The following ATP7A variants were observed in gnomAD, a reference collection of about 807,000 sequenced individuals.
ATP7A encodes the protein ATPase copper transporting alpha.
In ATP7A, 7 loss-of-function variants were observed where a neutral mutation model predicts 83.5. That is an observed-to-expected ratio of 0.08 (90% CI 0.05 to 0.16). The LOEUF (loss-of-function observed/expected upper bound fraction) is 0.16. ATP7A is among the 10% of genes least tolerant of loss of function. The pLI is 1.00. For synonymous variants in ATP7A, 354 were observed against 395.2 expected, an observed-to-expected ratio of 0.90 and a Z score of 1.24; for missense variants, 940 against 1,120.8, an observed-to-expected ratio of 0.84 and a Z score of 2.30.
intron 1 of ATP7A, chrX:77,965,506 A>G (rs1371071325): frequency 3.4e-6 from 1 of 290,095 alleles, no homozygotes; most frequent in African/African-American, 2.7e-5. Flanking sequence ...AATAAAAAAG[A>G]TAATAGGTAT....
At chrX:77,950,146 G>A (rs2077404950) in intron 1 of ATP7A, among the ~76,000 whole-genome samples, 1 of 112,197 alleles carries the variant, frequency 8.9e-6, no homozygotes, top group Non-Finnish European at 1.9e-5. Context: ...CTGTCCTTGT[G>A]TATTCATGTC....
chrX:77,969,898 A>G (rs2077536216), intron 1 of ATP7A, among the ~76,000 whole-genome samples: 1 of 112,043 alleles, frequency 8.9e-6, no homozygotes, highest in Non-Finnish European at 1.9e-5. Flanking sequence ...TGGGAAGTGT[A>G]TTACTTAATT....
intron 5 of ATP7A, among the ~76,000 whole-genome samples, chrX:78,001,855 G>T (rs1429104473): frequency 1.8e-5 from 2 of 110,977 alleles, no homozygotes; most frequent in Non-Finnish European, 3.8e-5. Flanking sequence ...CTAGTGAACA[G>T]CATGACTGCC....
At chrX:77,934,928 C>G (rs1017358267) in intron 1 of ATP7A, among the ~76,000 whole-genome samples, 14 of 107,251 alleles carry the variant, frequency 1.3e-4, no homozygotes, top group African/African-American at 4.4e-4. Flanking sequence ...GTGTCAGCCC[C>G]CAGAGTAGCT....
At chrX:78,005,683 C>CAAAAAAAAAA (rs1218646073) in intron 6 of ATP7A, among the ~76,000 whole-genome samples, 365 of 12,696 alleles carry the variant, frequency 0.029, 1 homozygote, top group Middle Eastern at 0.071. Flanking sequence ...AACTCCATCT[C>CAAAAAAAAAA]AAAAAAAAAA....
At chrX:77,946,988 A>C (rs2077383658) in intron 1 of ATP7A, among the ~76,000 whole-genome samples, 1 of 112,066 alleles carries the variant, frequency 8.9e-6, no homozygotes, top group Non-Finnish European at 1.9e-5. Context: ...TAGTAGCCCA[A>C]AGGTGGTAGC....
chrX:77,976,375 C>A (rs1045709268), intron 2 of ATP7A, among the ~76,000 whole-genome samples: 4 of 112,171 alleles, frequency 3.6e-5, no homozygotes, highest in Non-Finnish European at 7.5e-5. Context: ...ATGGTTTTGG[C>A]TCTTTAGTGA....
chrX:78,033,744 C>A lies in ATP7A; in HGVS notation c.3434C>A (p.Ala1145Glu). ...ATAGAGGACAATAATATTAAAAATGCATCCCTGGTTCAAATTGATGCCAGT... is the reference window on the plus strand; with the variant it reads ...ATAGAGGACAATAATATTAAAAATGAATCCCTGGTTCAAATTGATGCCAGT... ...WNIEDNNIKNASLVQIDASNE... is the reference protein window; with the variant it reads ...WNIEDNNIKNESLVQIDASNE... The change falls in exon 17 of 23, where the codon GCA becomes GAA. Residue 1145 changes from alanine (A) to glutamate (E), a missense_variant. By Grantham distance (107) the Ala-to-Glu change is moderately radical. Transcript: ENST00000341514. The A allele has an allele frequency of 8.3e-7, 1 of 1,210,596 alleles. No homozygotes were observed. Among genetic ancestry groups the A allele is most frequent in the South Asian group, 1.8e-5 (1 of 56,953 alleles).
At chrX:77,973,581 G>A (rs781843805) in intron 2 of ATP7A, among the ~76,000 whole-genome samples, 2 of 112,298 alleles carry the variant, frequency 1.8e-5, no homozygotes, top group Non-Finnish European at 3.8e-5. Context: ...TTAGGCATTT[G>A]TATACCTTCT....
At chrX:78,042,183 A>G (rs1489622185) in intron 19 of ATP7A, among the ~76,000 whole-genome samples, 3 of 109,590 alleles carry the variant, frequency 2.7e-5, no homozygotes, top group Non-Finnish European at 5.7e-5. Context: ...CATGGTATGG[A>G]TGTATCATAA....
chrX:77,951,468 G>A (rs1486382849), intron 1 of ATP7A, among the ~76,000 whole-genome samples: 2 of 112,010 alleles, frequency 1.8e-5, no homozygotes, highest in Admixed American at 9.5e-5. Context: ...TTTTCTCAGT[G>A]ATGTGAATTG....
chrX:77,931,881 C>G (rs2077281925), intron 1 of ATP7A, among the ~76,000 whole-genome samples: 3 of 100,058 alleles, frequency 3.0e-5, no homozygotes, highest in African/African-American at 1.1e-4. Flanking sequence ...CTCCTCACTT[C>G]CCAGTAGGGG....
At chrX:78,016,317 C>T (rs2077863742) in intron 12 of ATP7A, among the ~76,000 whole-genome samples, 1 of 110,797 alleles carries the variant, frequency 9.0e-6, no homozygotes, top group Non-Finnish European at 1.9e-5. Flanking sequence ...GGGGAAACCG[C>T]CCCCATGATT....
At chrX:77,952,800 T>TC (rs1557226935) in intron 1 of ATP7A, among the ~76,000 whole-genome samples, 2 of 109,070 alleles carry the variant, frequency 1.8e-5, no homozygotes, top group African/African-American at 6.7e-5. Context: ...TTTTTTTTTT[T>TC]TTTGATAGTC....
chrX:77,973,085 C>T (rs1569549414), intron 2 of ATP7A, among the ~76,000 whole-genome samples: 2 of 110,575 alleles, frequency 1.8e-5, no homozygotes, highest in African/African-American at 3.3e-5. Context: ...ACCCAGTTTG[C>T]CAACTGCTTT....
chrX:77,930,842 G>A (rs1278634604), intron 1 of ATP7A, among the ~76,000 whole-genome samples: 1 of 110,717 alleles, frequency 9.0e-6, no homozygotes, highest in East Asian at 2.8e-4. Flanking sequence ...GGCAGCTCTC[G>A]ACTTTAGATC....
intron 2 of ATP7A, chrX:77,975,529 G>A (rs889836849): frequency 2.5e-5 from 2 of 80,047 alleles, no homozygotes; most frequent in South Asian, 8.5e-4. Context: ...TCACTCTGTC[G>A]CCCAGGCTGG....
chrX:78,004,045 G>A (rs1463025175), intron 6 of ATP7A, among the ~76,000 whole-genome samples: 1 of 111,915 alleles, frequency 8.9e-6, no homozygotes, highest in Non-Finnish European at 1.9e-5. Context: ...AATAGGGAAT[G>A]TTTAAATAAA....
intron 14 of ATP7A, among the ~76,000 whole-genome samples, chrX:78,021,585 C>T (rs899994992): frequency 8.9e-6 from 1 of 111,791 alleles, no homozygotes; most frequent in South Asian, 3.7e-4. Context: ...AGTGTCTACT[C>T]ATCTAGTTCT....
Sources: gnomAD v4.1 joint callset for allele counts (sites outside exome capture counted in the v4.1 genomes callset) on GRCh38, gnomAD v4.1.1 for gene constraint, MANE v1.5 for transcripts, NCBI Gene and HGNC (gene_info 2026-07-23, HGNC 2026-07-21) for gene names.